KLF17: variants seen among roughly 807,000 people sequenced by gnomAD.
KLF17 encodes the protein Krueppel-like factor 17.
Under a neutral mutation model 34.2 loss-of-function variants are expected in KLF17, and 31 were observed. The ratio of observed to expected loss-of-function variants is 0.91; its 90% CI spans 0.68 to 1.22. The LOEUF (loss-of-function observed/expected upper bound fraction) is 1.22. KLF17 is among the 50% of genes most tolerant of loss of function. The probability of loss-of-function intolerance (pLI) is 0.00; values close to 1 mark genes in which losing one functional copy is unlikely to be tolerated. For missense variants in KLF17, 478 were observed against 505.2 expected, an observed-to-expected ratio of 0.95 and a Z score of 0.52; for synonymous variants, 179 against 186.7, an observed-to-expected ratio of 0.96 and a Z score of 0.34.
upstream of KLF17, chr1:44,115,842 T>C (rs2087875238): frequency 6.6e-6 from 1 of 152,278 alleles, no homozygotes; most frequent in Admixed American, 6.5e-5. Flanking sequence ...AAATAAATAG[T>C]TGTGCCTTTT....
chr1:44,095,593 G>A, the KLF17 span, among the ~76,000 whole-genome samples: 189 of 152,022 alleles, frequency 1.2e-3, 3 homozygotes, highest in East Asian at 0.02. Flanking sequence ...CATTTAATCC[G>A]TAGATTTTTT....
the KLF17 span, among the ~76,000 whole-genome samples, chr1:44,079,307 C>CTTTTTTTTTT: frequency 0.016 from 2,204 of 140,622 alleles, 64 homozygotes; most frequent in African/African-American, 0.055. Flanking sequence ...TTTTCTTCTC[C>CTTTTTTTTTT]TTTTTTTTTT....
chr1:44,071,084 C>T, the KLF17 span, among the ~76,000 whole-genome samples: 1 of 152,166 alleles, frequency 6.6e-6, no homozygotes, highest in Non-Finnish European at 1.5e-5. Context: ...GTCCTAACTG[C>T]TCCTCCCGAG....
chr1:44,086,071 G>T, the KLF17 span, among the ~76,000 whole-genome samples: 1 of 152,226 alleles, frequency 6.6e-6, no homozygotes. Context: ...CCCTGGAGGA[G>T]CATGGGGTGA....
chr1:44,057,193 C>G, the KLF17 span, among the ~76,000 whole-genome samples: 1 of 152,004 alleles, frequency 6.6e-6, no homozygotes, highest in Non-Finnish European at 1.5e-5. Context: ...GCTTTGCCTC[C>G]CTAGACTTCC....
At chr1:44,070,748 A>G in the KLF17 span, among the ~76,000 whole-genome samples, 1 of 151,748 alleles carries the variant, frequency 6.6e-6, no homozygotes, top group African/African-American at 2.4e-5. Context: ...CGGGATTACC[A>G]AGTAGACAAA....
At chr1:44,100,272 A>AAG in the KLF17 span, among the ~76,000 whole-genome samples, 1 of 146,730 alleles carries the variant, frequency 6.8e-6, no homozygotes, top group African/African-American at 2.5e-5. Flanking sequence ...AAAAAAAAAA[A>AAG]AGAGAGAGAG....
chr1:44,068,446 G>T, the KLF17 span, among the ~76,000 whole-genome samples: 2 of 152,204 alleles, frequency 1.3e-5, no homozygotes, highest in Non-Finnish European at 2.9e-5. Flanking sequence ...AGAGCTCCTG[G>T]GGCAGGGCCC....
chr1:44,127,593 G>T (rs1192703023), intron 1 of KLF17, among the ~76,000 whole-genome samples: 2 of 146,184 alleles, frequency 1.4e-5, no homozygotes, highest in East Asian at 4.2e-4. Flanking sequence ...CGCCTCGGTG[G>T]ATCTTTCCCT....
At chr1:44,067,153 C>T in the KLF17 span, among the ~76,000 whole-genome samples, 1 of 151,936 alleles carries the variant, frequency 6.6e-6, no homozygotes, top group African/African-American at 2.4e-5. Flanking sequence ...TCTTCATTGC[C>T]TTCAAACTCA....
the KLF17 span, among the ~76,000 whole-genome samples, chr1:44,075,115 A>ACACG: frequency 3.3e-5 from 4 of 120,682 alleles, no homozygotes; most frequent in African/African-American, 1.2e-4. Flanking sequence ...AACAAAATGC[A>ACACG]CACACACACA....
At chr1:44,055,214 A>G in the KLF17 span, among the ~76,000 whole-genome samples, 1 of 152,144 alleles carries the variant, frequency 6.6e-6, no homozygotes, top group African/African-American at 2.4e-5. Context: ...TACAACTCCT[A>G]CTGGACACCT....
the KLF17 span, among the ~76,000 whole-genome samples, chr1:44,077,481 A>G: frequency 1.3e-5 from 2 of 152,212 alleles, no homozygotes; most frequent in Non-Finnish European, 2.9e-5. Context: ...TCTATGGTTC[A>G]TTAATTTAGA....
chr1:44,064,094 G>A, the KLF17 span, among the ~76,000 whole-genome samples: 1 of 152,260 alleles, frequency 6.6e-6, no homozygotes, highest in South Asian at 2.1e-4. Context: ...TAAACTAACT[G>A]CCAGAGGAAG....
intron 1 of KLF17, among the ~76,000 whole-genome samples, chr1:44,124,320 C>T (rs2087982285): frequency 6.7e-6 from 1 of 149,690 alleles, no homozygotes. Context: ...ACACAATTTC[C>T]TTTTGTATAT....
upstream of KLF17, chr1:44,113,973 T>C (rs998928314): frequency 2.6e-5 from 4 of 152,238 alleles, no homozygotes; most frequent in African/African-American, 9.7e-5. Flanking sequence ...CCTGAGTCAT[T>C]CCCAGGCCTA....
At chr1:44,080,376 C>T in the KLF17 span, among the ~76,000 whole-genome samples, 57 of 151,652 alleles carry the variant, frequency 3.8e-4, no homozygotes, top group Non-Finnish European at 2.1e-4. Flanking sequence ...GTAGCTGGGA[C>T]TGCAGGCGCC....
At chr1:44,119,405 A>G (rs975647531) in intron 1 of KLF17, among the ~76,000 whole-genome samples, 3 of 73,260 alleles carry the variant, frequency 4.1e-5, no homozygotes, top group East Asian at 3.5e-4. Context: ...AAACAACAGG[A>G]AAAAAAAAAA....
intron 1 of KLF17, among the ~76,000 whole-genome samples, chr1:44,119,594 A>G (rs2087923942): frequency 6.6e-6 from 1 of 152,184 alleles, no homozygotes; most frequent in Admixed American, 6.5e-5. Context: ...GCGTGGGAGC[A>G]GATACCAGAG....
Sources: gnomAD v4.1 joint callset for allele counts (sites outside exome capture counted in the v4.1 genomes callset) on GRCh38, gnomAD v4.1.1 for gene constraint, MANE v1.5 for transcripts, NCBI Gene and HGNC (gene_info 2026-07-23, HGNC 2026-07-21) for gene names.